MAP3K4: variants seen among roughly 807,000 people sequenced by gnomAD.
MAP3K4 encodes MAP three kinase 1.
A neutral mutation model predicts 185.6 loss-of-function variants in MAP3K4; 67 were observed. The observed-to-expected ratio is 0.36, with a 90% confidence interval of 0.30 to 0.44. MAP3K4 has a LOEUF of 0.44. Among genes scored for constraint, MAP3K4 ranks in the 20% least tolerant of loss-of-function variants. The pLI, the probability that MAP3K4 is intolerant of heterozygous loss-of-function variation, is 1.00. For synonymous variants in MAP3K4, 702 were observed against 710.4 expected (o/e 0.99, Z 0.19); for missense variants, 1,551 against 1,995.1 (o/e 0.78, Z 4.24).
chr6:161,045,066 G>T (rs1243694643), intron 2 of MAP3K4, among the ~76,000 whole-genome samples: 1 of 152,142 alleles, frequency 6.6e-6, no homozygotes, highest in Non-Finnish European at 1.5e-5. Flanking sequence ...TAAAAATGTA[G>T]CTACTGCTGA....
At chr6:161,058,919 C>T (rs763271743) in intron 3 of MAP3K4, among the ~76,000 whole-genome samples, 1 of 152,150 alleles carries the variant, frequency 6.6e-6, no homozygotes, top group Non-Finnish European at 1.5e-5. Flanking sequence ...TTCTTGTACA[C>T]ACCCCTTTAT....
In MAP3K4 at chr6:161,111,825, T is replaced by C. The variant is rs1226056557; in HGVS notation, c.4397-11T>C. On this transcript the variant is annotated splice_polypyrimidine_tract_variant and intron_variant, in intron 23 of 26. Transcript: ENST00000392142. ...CAGAGGCTGCGTAACAACTACTTCT[T>C]TTCTTTTTAGGTGCCAATATCTTCC... 2.7e-6 allele frequency: 4 copies of C among 1,464,092 alleles called. No homozygotes were observed. The highest frequency in any genetic ancestry group is 3.6e-6 in the Non-Finnish European group (4 of 1,112,716). 90.7% of individuals were successfully genotyped at this position (1,464,092 alleles called of 1,614,324 possible). A position where few individuals can be genotyped will look rare whatever the true frequency, so the allele number is the denominator to read the frequency against.
Position 161,048,220 on chromosome 6 carries a change from G to A in MAP3K4, c.344-396G>A, listed in dbSNP as rs1037896307. 1 of 532,168 alleles carries A rather than the reference G, an allele frequency of 1.9e-6. No individual in the cohort carries two copies. 33.0% of individuals were successfully genotyped at this position (532,168 alleles called of 1,614,324 possible). A position where few individuals can be genotyped will look rare whatever the true frequency, so the allele number is the denominator to read the frequency against. ...ACACATTTAGCTAATGACAAATGCAGGAATTAAATATATTTTCTCATCCAG... is the reference window on the plus strand; with the variant it reads ...ACACATTTAGCTAATGACAAATGCAAGAATTAAATATATTTTCTCATCCAG... On this transcript the variant is annotated intron_variant, in intron 2 of 26. Transcript: ENST00000392142. This position sits in a 1 kb window ranked among gnomAD's most constrained non-coding sequence, Gnocchi z 4.7.
intron 7 of MAP3K4, among the ~76,000 whole-genome samples, chr6:161,085,689 A>G (rs1317565471): frequency 6.6e-6 from 1 of 152,210 alleles, no homozygotes; most frequent in African/African-American, 2.4e-5. Flanking sequence ...GAAATGGAAT[A>G]AATAAGTTTG....
chr6:161,020,863 A>G lies in MAP3K4; in HGVS notation c.153-13396A>G, dbSNP rs540189121. Among the ~76,000 whole-genome samples the G allele has an allele frequency of 2.0e-4, 30 of 152,292 alleles. No homozygotes were observed. The East Asian group carries it at 5.6e-3, about 28-fold the overall frequency. ...TGTTAGACATTTCTTTTCTAAAACT[A>G]TATGTGGTATTTATATTGGGAATAC... On this transcript the variant is annotated intron_variant, in intron 1 of 26. Coordinates refer to ENST00000392142, the MANE Select transcript of MAP3K4 (RefSeq NM_005922.4).
At chr6:161,047,134 A>G (rs1783766609) in intron 2 of MAP3K4, among the ~76,000 whole-genome samples, 1 of 146,356 alleles carries the variant, frequency 6.8e-6, no homozygotes, top group South Asian at 2.1e-4. Flanking sequence ...ATATATATAT[A>G]TATATATATA....
At chr6:161,002,165 GATC>G (rs1781354157) in intron 1 of MAP3K4, among the ~76,000 whole-genome samples, 1 of 151,188 alleles carries the variant, frequency 6.6e-6, no homozygotes, top group Non-Finnish European at 1.5e-5. Flanking sequence ...CTGGCCCTTG[GATC>G]ATCATAAATC....
intron 1 of MAP3K4, among the ~76,000 whole-genome samples, chr6:161,011,137 A>T (rs1781826213): frequency 6.6e-6 from 1 of 152,234 alleles, no homozygotes. Flanking sequence ...GTGTTACTTC[A>T]AATGACATTC....
chr6:161,023,799 G>A (rs1450919578), intron 1 of MAP3K4, among the ~76,000 whole-genome samples: 1 of 152,160 alleles, frequency 6.6e-6, no homozygotes, highest in African/African-American at 2.4e-5. Flanking sequence ...TATCTGTAAA[G>A]AATTGCTTAA....
Position 161,114,979 on chromosome 6 carries a change from TA to T in MAP3K4, c.4627-140del. 1 of 640,704 alleles carries T rather than the reference TA, an allele frequency of 1.6e-6. No individual in the cohort carries two copies. 39.7% of individuals were successfully genotyped at this position (640,704 alleles called of 1,614,324 possible). ...ATAGAGATCATATGGCCTGTCAACC[TA>T]AAATATTGTTTGGCCCTTTCAGTAA... On this transcript the variant is annotated intron_variant, in intron 25 of 26. Transcript: ENST00000392142. This position sits in a 1 kb window ranked among gnomAD's most constrained non-coding sequence, Gnocchi z 4.3.
At chr6:161,079,770 C>T (rs1583205740) in intron 5 of MAP3K4, among the ~76,000 whole-genome samples, 2 of 152,120 alleles carry the variant, frequency 1.3e-5, no homozygotes, top group Admixed American at 1.3e-4. Context: ...CATAACAGAC[C>T]CAGAACTTCA....
At position 161,082,048 on chromosome 6, in the gene MAP3K4, T is replaced by C. The variant is rs957657192; in HGVS notation, c.2255+1010T>C. Among the ~76,000 whole-genome samples the C allele has an allele frequency of 6.6e-6, 1 of 152,058 alleles. No homozygotes were observed. Among genetic ancestry groups the C allele is most frequent in the Admixed American group, 6.6e-5 (1 of 15,256 alleles). Reference sequence around the variant, plus strand: ...CTCTGCCGATTTCTCCTATGTTCAGTCTCGGAATCTCGTATCCACTTCTCT... The same window carrying C: ...CTCTGCCGATTTCTCCTATGTTCAGCCTCGGAATCTCGTATCCACTTCTCT... On this transcript the variant is annotated intron_variant, in intron 6 of 26. Coordinates refer to ENST00000392142, the MANE Select transcript of MAP3K4 (RefSeq NM_005922.4). This position sits in a 1 kb window ranked among gnomAD's most constrained non-coding sequence, Gnocchi z 4.2.
chr6:161,012,688 A>G (rs561054455), intron 1 of MAP3K4, among the ~76,000 whole-genome samples: 37 of 152,310 alleles, frequency 2.4e-4, no homozygotes, highest in African/African-American at 7.9e-4. Flanking sequence ...ACTCTATTTT[A>G]TATGTTGTTT....
At chr6:161,016,839 T>G (rs1228200531) in intron 1 of MAP3K4, among the ~76,000 whole-genome samples, 1 of 152,262 alleles carries the variant, frequency 6.6e-6, no homozygotes, top group East Asian at 1.9e-4. Flanking sequence ...ATTCTTGCAC[T>G]TGGAATAGTG....
chr6:160,997,023 G>A (rs1781028119), intron 1 of MAP3K4, among the ~76,000 whole-genome samples: 3 of 152,202 alleles, frequency 2.0e-5, no homozygotes, highest in Non-Finnish European at 4.4e-5. Flanking sequence ...TTTTTCCCTT[G>A]TGTCACAAAC....
Position 161,112,025 on chromosome 6 carries a change from C to T in MAP3K4, c.4519+67C>T. The T allele has an allele frequency of 6.3e-7, 1 of 1,579,330 alleles. No individual in the cohort carries two copies. Among genetic ancestry groups the T allele is most frequent in the Non-Finnish European group, 8.6e-7 (1 of 1,160,790 alleles). ...CAGCCTGCTTGGGGCCTGCATGTTCCCTTCACCTTTGTTTGTCAGTAGAGA... is the reference window on the plus strand; with the variant it reads ...CAGCCTGCTTGGGGCCTGCATGTTCTCTTCACCTTTGTTTGTCAGTAGAGA... On this transcript the variant is annotated intron_variant, in intron 24 of 26. Transcript: ENST00000392142. This position sits in a 1 kb window ranked among gnomAD's most constrained non-coding sequence, Gnocchi z 5.1.
rs374559334 is a variant in MAP3K4 at position 161,092,113 on chromosome 6, A to G, written c.3239A>G (p.Lys1080Arg). 1.7e-5 allele frequency: 27 copies of G among 1,613,802 alleles called. No individual in the cohort carries two copies. Among genetic ancestry groups the G allele is most frequent in the Non-Finnish European group, 1.9e-5 (23 of 1,179,914 alleles). Residue 1080 changes from lysine to arginine, a missense_variant, in exon 13 of 27, where the codon AAA (lysine) becomes AGA (arginine). Lys to Arg is a conservative substitution (Grantham distance 26, BLOSUM62 2). Coordinates refer to ENST00000392142, the MANE Select transcript of MAP3K4 (RefSeq NM_005922.4). ...AAGTGGATGAATTATGTCCTGACTA[A>G]ATGTGAGAGTGGTAGAGGTACAAGA... ...ARKWMNYVLT[K>R]CESGRGTRPR...
intron 3 of MAP3K4, among the ~76,000 whole-genome samples, chr6:161,062,775 A>AT (rs1784538551): frequency 6.6e-6 from 1 of 151,980 alleles, no homozygotes; most frequent in Non-Finnish European, 1.5e-5. Context: ...TACCTAAAGG[A>AT]TTTTTTTCTT....
intron 1 of MAP3K4, among the ~76,000 whole-genome samples, chr6:161,033,016 A>G (rs1394652789): frequency 2.6e-5 from 4 of 152,266 alleles, no homozygotes; most frequent in Non-Finnish European, 5.9e-5. Flanking sequence ...ATAATTCTGC[A>G]ATATTTTTAT....
Sources: allele counts gnomAD v4.1 joint callset (sites outside exome capture counted in the v4.1 genomes callset), GRCh38; gene constraint gnomAD v4.1.1; non-coding constraint Gnocchi (gnomAD v3.1); transcripts MANE v1.5; gene names NCBI Gene and HGNC (gene_info 2026-07-23, HGNC 2026-07-21).